The following LIMD2 variants were observed in gnomAD, a reference collection of about 807,000 sequenced individuals.
LIMD2 encodes the protein LIM domain containing 2, also known as LIM domain-containing protein 2.
In LIMD2, 11 loss-of-function variants were observed where a neutral mutation model predicts 16.0. The observed-to-expected ratio is 0.69, with a 90% CI of 0.43 to 1.14. The LOEUF (loss-of-function observed/expected upper bound fraction) is 1.14, where lower values mean the gene tolerates loss of function less well. LIMD2 is among the 50% of genes most tolerant of loss of function. The probability of loss-of-function intolerance (pLI) is 0.00; values close to 1 mark genes in which losing one functional copy is unlikely to be tolerated. For synonymous variants in LIMD2, 60 were observed against 67.1 expected (o/e 0.89, Z 0.52); for missense variants, 168 against 165.8 (o/e 1.01, Z -0.07).
rs1161535627 is a variant in LIMD2 at position 63,696,744 on chromosome 17, G to A, written c.*1808C>T. 2 of 152,322 alleles carry A rather than the reference G, an allele frequency of 1.3e-5. No homozygotes were observed. The highest frequency in any genetic ancestry group is 2.9e-5 in the Non-Finnish European group (2 of 68,048). 9.4% of individuals were successfully genotyped at this position (152,322 alleles called of 1,614,324 possible). A position where few individuals can be genotyped will look rare whatever the true frequency, so the allele number is the denominator to read the frequency against. ...GGTCATCTGCTACTGTTGCTTAACC[G>A]AACCAAGATGATCCTTGCCATCTGA... is the stretch of plus-strand genomic sequence containing the variant. On this transcript the variant is annotated 3_prime_UTR_variant, in exon 5 of 5. Coordinates refer to ENST00000259006, the MANE Select transcript of LIMD2 (RefSeq NM_030576.4).
intron 1 of LIMD2, chr17:63,699,795 C>G: frequency 1.6e-6 from 1 of 627,326 alleles, no homozygotes; most frequent in Non-Finnish European, 2.0e-6. Flanking sequence ...CGCCCCTCGG[C>G]CCCCGACCTG....
In LIMD2 at chr17:63,700,120, G is replaced by C; in HGVS notation, c.-139C>G. ...CGGGCGCGAGCTGCTGCCGCTACCAGTGGTCCCCGAGCCACCGCCGCCGCC... is the reference window on the plus strand; with the variant it reads ...CGGGCGCGAGCTGCTGCCGCTACCACTGGTCCCCGAGCCACCGCCGCCGCC... On this transcript the variant is annotated 5_prime_UTR_variant, in exon 1 of 5. Transcript: ENST00000259006. The surrounding 1 kb of genome is among the most constrained non-coding windows in gnomAD (Gnocchi z 7.1). The C allele has an allele frequency of 2.0e-6, 2 of 984,766 alleles. No homozygotes were observed. Among genetic ancestry groups the C allele is most frequent in the South Asian group, 4.5e-5 (1 of 22,122 alleles). The allele number at this position is 984,766 out of a possible 1,614,324, so 61.0% of individuals were successfully genotyped here. A position where few individuals can be genotyped will look rare whatever the true frequency, so the allele number is the denominator to read the frequency against.
Position 63,700,007 on chromosome 17 carries a change from C to T in LIMD2, c.-51+25G>A. On this transcript the variant is annotated intron_variant, in intron 1 of 4. Coordinates refer to ENST00000259006, the MANE Select transcript of LIMD2 (RefSeq NM_030576.4). The surrounding 1 kb of genome is among the most constrained non-coding windows in gnomAD (Gnocchi z 7.1). ...CCTCTCCCGGTTCCGGAGCCGGACG[C>T]GGCCCCTCCCCCCGCGGCTCTCACC... The T allele has an allele frequency of 1.0e-6, 1 of 984,046 alleles. No homozygotes were observed. The highest frequency in any genetic ancestry group is 1.7e-5 in the African/African-American group (1 of 57,188). The allele number at this position is 984,046 out of a possible 1,614,324, so 61.0% of individuals were successfully genotyped here.
Position 63,698,447 on chromosome 17 carries a change from T to G in LIMD2, c.*105A>C. On this transcript the variant is annotated 3_prime_UTR_variant, in exon 5 of 5. Transcript: ENST00000259006. ...GTCCCCTACGCCTGAGCAAGCCTCATCCCCTTCCCACCTGGCCCCCACGCA... is the reference window on the plus strand; with the variant it reads ...GTCCCCTACGCCTGAGCAAGCCTCAGCCCCTTCCCACCTGGCCCCCACGCA... 7.6e-7 allele frequency: 1 copy of G among 1,324,112 alleles called. No homozygotes were observed. The highest frequency in any genetic ancestry group is 1.0e-6 in the Non-Finnish European group (1 of 971,860). 82.0% of individuals were successfully genotyped at this position (1,324,112 alleles called of 1,614,324 possible).
At chr17:63,700,964 C>T (rs1165056275), upstream of LIMD2, 3 of 152,290 alleles carry the variant, frequency 2.0e-5, no homozygotes, top group Admixed American at 6.5e-5. The surrounding 1 kb of genome is among the most constrained non-coding windows in gnomAD (Gnocchi z 7.1). Context: ...CAACGGGGGC[C>T]CCCTCTCCAA....
In LIMD2 at chr17:63,696,453, C is replaced by G. The variant is rs1248385429; in HGVS notation, c.*2099G>C. On this transcript the variant is annotated 3_prime_UTR_variant, in exon 5 of 5. Coordinates refer to ENST00000259006, the MANE Select transcript of LIMD2 (RefSeq NM_030576.4). ...CCAAGTAGAGGGGTCCTGGGGTGAT[C>G]TGGCTGATACCATTGTCAGTCCAGA... 6.6e-6 allele frequency: 1 copy of G among 152,296 alleles called. No homozygotes were observed. The highest frequency in any genetic ancestry group is 2.4e-5 in the African/African-American group (1 of 41,366). The allele number at this position is 152,296 out of a possible 1,614,324, so 9.4% of individuals were successfully genotyped here. A position where few individuals can be genotyped will look rare whatever the true frequency, so the allele number is the denominator to read the frequency against.
At chr17:63,700,000 C>T in intron 1 of LIMD2, 32 bp downstream of exon 1, 6 of 983,966 alleles carry the variant, frequency 6.1e-6, no homozygotes, top group Non-Finnish European at 7.2e-6. Flanking sequence ...GGTTCCGGAG[C>T]CGGACGCGGC....
chr17:63,698,285 T>G lies in LIMD2; in HGVS notation c.*267A>C. The G allele has an allele frequency of 1.0e-5, 5 of 491,776 alleles. No homozygotes were observed. The highest frequency in any genetic ancestry group is 2.5e-5 in the South Asian group (1 of 39,862). 30.5% of individuals were successfully genotyped at this position (491,776 alleles called of 1,614,324 possible). On this transcript the variant is annotated 3_prime_UTR_variant, in exon 5 of 5. Coordinates refer to ENST00000259006, the MANE Select transcript of LIMD2 (RefSeq NM_030576.4). ...CTGGGCTTGGGGGCCTCCCAGGGGG[T>G]CCTGGGGTGAGGTGGGGAGGGAGGC...
Position 63,698,300 on chromosome 17 carries a change from G to A in LIMD2, c.*252C>T, listed in dbSNP as rs1226428299. 13 of 548,562 alleles carry A rather than the reference G, an allele frequency of 2.4e-5. No homozygotes were observed. In the Admixed American group the frequency reaches 3.9e-4, roughly 16 times the overall value. The allele number at this position is 548,562 out of a possible 1,614,324, so 34.0% of individuals were successfully genotyped here. On this transcript the variant is annotated 3_prime_UTR_variant, in exon 5 of 5. Transcript: ENST00000259006. ...TCCCAGGGGGTCCTGGGGTGAGGTG[G>A]GGAGGGAGGCTGAACGAAGCAGGAA...
chr17:63,700,646 G>A (rs2143682365), upstream of LIMD2: 1 of 151,002 alleles, frequency 6.6e-6, no homozygotes, highest in Non-Finnish European at 1.5e-5. This position sits in a 1 kb window ranked among gnomAD's most constrained non-coding sequence, Gnocchi z 7.1. Context: ...AGACCCAGCC[G>A]GGGCGACCCC....
At chr17:63,698,743 G>T (rs2035733607) in intron 4 of LIMD2, 32 bp from the exon 5 acceptor site, 4 of 1,612,820 alleles carry the variant, frequency 2.5e-6, no homozygotes, top group Non-Finnish European at 3.4e-6. Context: ...GTCAGGTCAG[G>T]TCAGGTCGGG....
intron 1 of LIMD2, chr17:63,699,724 C>T: frequency 1.6e-6 from 1 of 629,266 alleles, no homozygotes; most frequent in African/African-American, 2.0e-5. Context: ...CTGCGCCGCG[C>T]CCGGGCGTCC....
chr17:63,698,168 G>A lies in LIMD2; in HGVS notation c.*384C>T. The A allele has an allele frequency of 4.1e-6, 1 of 243,196 alleles. No homozygotes were observed. 15.1% of individuals were successfully genotyped at this position (243,196 alleles called of 1,614,324 possible). ...TAGAGGTAGATGGGGAGACGTGGGGGCCACACAGTCTCCGGTGGCAGTGAG... is the reference window on the plus strand; with the variant it reads ...TAGAGGTAGATGGGGAGACGTGGGGACCACACAGTCTCCGGTGGCAGTGAG... On this transcript the variant is annotated 3_prime_UTR_variant, in exon 5 of 5. Coordinates refer to ENST00000259006, the MANE Select transcript of LIMD2 (RefSeq NM_030576.4).
Position 63,700,107 on chromosome 17 carries a change from G to A in LIMD2, c.-126C>T. On this transcript the variant is annotated 5_prime_UTR_variant, in exon 1 of 5. Coordinates refer to ENST00000259006, the MANE Select transcript of LIMD2 (RefSeq NM_030576.4). This position sits in a 1 kb window ranked among gnomAD's most constrained non-coding sequence, Gnocchi z 7.1. Reference sequence around the variant, plus strand: ...TACGAGGAGGGCGCGGGCGCGAGCTGCTGCCGCTACCAGTGGTCCCCGAGC... The same window carrying A: ...TACGAGGAGGGCGCGGGCGCGAGCTACTGCCGCTACCAGTGGTCCCCGAGC... 1.0e-6 allele frequency: 1 copy of A among 984,920 alleles called. No homozygotes were observed. The highest frequency in any genetic ancestry group is 1.1e-4 in the East Asian group (1 of 8,730). The allele number at this position is 984,920 out of a possible 1,614,324, so 61.0% of individuals were successfully genotyped here.
chr17:63,697,595 G>T lies in LIMD2; in HGVS notation c.*957C>A, dbSNP rs2143665307. On this transcript the variant is annotated 3_prime_UTR_variant, in exon 5 of 5. Coordinates refer to ENST00000259006, the MANE Select transcript of LIMD2 (RefSeq NM_030576.4). ...AACTGAGGGGTGAGGTGGAGTTTCA[G>T]TTCCAAAACCACTGTGGGTGTGACA... The T allele has an allele frequency of 6.6e-6, 1 of 152,372 alleles. No homozygotes were observed. Among genetic ancestry groups the T allele is most frequent in the Admixed American group, 6.5e-5 (1 of 15,294 alleles). The allele number at this position is 152,372 out of a possible 1,614,324, so 9.4% of individuals were successfully genotyped here. A position where few individuals can be genotyped will look rare whatever the true frequency, so the allele number is the denominator to read the frequency against.
intron 2 of LIMD2, 79 bp downstream of exon 2, chr17:63,699,178 G>C (rs3817181): frequency 0.25 from 404,674 of 1,588,832 alleles, 53,406 homozygotes; most frequent in Middle Eastern, 0.29. Flanking sequence ...AAAGGGGGCC[G>C]GCAAACTCTG....
chr17:63,700,610 C>T (rs2035770738), upstream of LIMD2: 2 of 152,018 alleles, frequency 1.3e-5, no homozygotes, highest in African/African-American at 2.4e-5. The surrounding 1 kb of genome is among the most constrained non-coding windows in gnomAD (Gnocchi z 7.1). Context: ...GCGCCCCCAT[C>T]CCCGCCCAGA....
rs2035715446 is a variant in LIMD2 at position 63,697,889 on chromosome 17, GT to G, written c.*662del. The G allele has an allele frequency of 6.5e-6, 1 of 153,250 alleles. No homozygotes were observed. The highest frequency in any genetic ancestry group is 1.5e-5 in the Non-Finnish European group (1 of 68,812). 9.5% of individuals were successfully genotyped at this position (153,250 alleles called of 1,614,324 possible). A position where few individuals can be genotyped will look rare whatever the true frequency, so the allele number is the denominator to read the frequency against. On this transcript the variant is annotated 3_prime_UTR_variant, in exon 5 of 5. Coordinates refer to ENST00000259006, the MANE Select transcript of LIMD2 (RefSeq NM_030576.4). ...GCACAAATGGGAGCGGGGGAGGGGAGTGGGGCCGCACCAGCCCCTGCCAGTG... is the reference window on the plus strand; with the variant it reads ...GCACAAATGGGAGCGGGGGAGGGGAGGGGGCCGCACCAGCCCCTGCCAGTG...
chr17:63,696,873 C>T lies in LIMD2; in HGVS notation c.*1679G>A, dbSNP rs905705288. The T allele has an allele frequency of 2.6e-5, 4 of 152,328 alleles. No individual in the cohort carries two copies. Among genetic ancestry groups the T allele is most frequent in the African/African-American group, 7.2e-5 (3 of 41,452 alleles). 9.4% of individuals were successfully genotyped at this position (152,328 alleles called of 1,614,324 possible). Reference sequence around the variant, plus strand: ...GCACCATCTCTGCTGAGTATTCGCTCTGCTCCCTCGAGGAGCAGTGCCTGC... The same window carrying T: ...GCACCATCTCTGCTGAGTATTCGCTTTGCTCCCTCGAGGAGCAGTGCCTGC... On this transcript the variant is annotated 3_prime_UTR_variant, in exon 5 of 5. Coordinates refer to ENST00000259006, the MANE Select transcript of LIMD2 (RefSeq NM_030576.4).
Sources: allele counts gnomAD v4.1 joint callset, GRCh38; gene constraint gnomAD v4.1.1; non-coding constraint Gnocchi (gnomAD v3.1); transcripts MANE v1.5; gene names NCBI Gene and HGNC (gene_info 2026-07-23, HGNC 2026-07-21).